COL18A1: variants seen among roughly 807,000 people sequenced by gnomAD.
COL18A1 encodes the protein collagen alpha-1(XVIII) chain.
COL18A1 carries 133 observed loss-of-function variants against 168.0 expected under a neutral mutation model. The ratio of observed to expected loss-of-function variants is 0.79; its 90% CI spans 0.69 to 0.91. The LOEUF (loss-of-function observed/expected upper bound fraction) is 0.91, where lower values mean the gene tolerates loss of function less well. COL18A1 is among the 40% of genes least tolerant of loss of function. COL18A1 has a pLI of 0.00. For missense variants in COL18A1, 2,126 were observed against 1,925.4 expected, an observed-to-expected ratio of 1.10 and a Z score of -1.95; for synonymous variants, 949 against 809.0, an observed-to-expected ratio of 1.17 and a Z score of -2.94.
At chr21:45,407,586 G>A (rs1226461060) in intron 2 of COL18A1, 1 of 152,244 alleles carries the variant, frequency 6.6e-6, no homozygotes, top group Non-Finnish European at 1.5e-5. Flanking sequence ...CCCCCAAGAG[G>A]TGCTTGTAGT....
rs1037125446 is a variant in COL18A1, at chr21:45,473,749, C to A, written c.652-146C>A. 1.4e-6 allele frequency: 1 copy of A among 722,344 alleles called. No homozygotes were observed. The highest frequency in any genetic ancestry group is 1.5e-5 in the South Asian group (1 of 65,974). 44.7% of individuals were successfully genotyped at this position (722,344 alleles called of 1,614,324 possible). ...TCTTCCTACCATGAGGCATACCGCA[C>A]CCCCAGGGAGGCTGCCCGAGACCCC... On this transcript the variant is annotated intron_variant, in intron 3 of 41. Transcript: ENST00000651438. The surrounding 1 kb of genome is among the most constrained non-coding windows in gnomAD (Gnocchi z 4.0).
At chr21:45,479,347 CTACACACACGTGTG>C (rs1418567956) in intron 9 of COL18A1, among the ~76,000 whole-genome samples, 3 of 144,974 alleles carry the variant, frequency 2.1e-5, no homozygotes, top group Non-Finnish European at 4.6e-5. Flanking sequence ...CATACACACA[CTACACACACGTGTG>C]TGCACACACA....
At chr21:45,497,860 AG>A in intron 32 of COL18A1, 199 bp downstream of exon 32, 1 of 689,648 alleles carries the variant, frequency 1.5e-6, no homozygotes, top group Non-Finnish European at 2.4e-6. Flanking sequence ...GGGTGGCTGC[AG>A]GGCACAAGCC....
chr21:45,412,178 ATTG>A (rs1376510821), intron 2 of COL18A1, among the ~76,000 whole-genome samples: 1 of 141,484 alleles, frequency 7.1e-6, no homozygotes, highest in Non-Finnish European at 1.5e-5. Context: ...GCGTACTTTT[ATTG>A]TTTATGGTCA....
intron 2 of COL18A1, among the ~76,000 whole-genome samples, chr21:45,435,992 G>A (rs2034085028): frequency 6.6e-6 from 1 of 152,180 alleles, no homozygotes; most frequent in Admixed American, 6.5e-5. Context: ...GGCCCAGGCA[G>A]GGTGGCCAAT....
chr21:45,484,116 GCACACA>G (rs1310962290), intron 15 of COL18A1, among the ~76,000 whole-genome samples: 2 of 42,664 alleles, frequency 4.7e-5, no homozygotes. Flanking sequence ...ATGTGCACAC[GCACACA>G]CACCTCTCCA....
rs753506897 is a variant in COL18A1 at position 45,473,873 on chromosome 21, C to T, written c.652-22C>T. On this transcript the variant is annotated intron_variant, in intron 3 of 41. Coordinates refer to ENST00000651438, the MANE Select transcript of COL18A1 (RefSeq NM_001379500.1). The surrounding 1 kb of genome is among the most constrained non-coding windows in gnomAD (Gnocchi z 4.0). Reference sequence around the variant, plus strand: ...CTGCCACCTCAGGACCGCTGGTGACCCCTTTCTCTGTCTGCATTTAGGGGG... The same window carrying T: ...CTGCCACCTCAGGACCGCTGGTGACTCCTTTCTCTGTCTGCATTTAGGGGG... The T allele has an allele frequency of 8.9e-6, 14 of 1,578,498 alleles. No homozygotes were observed. Among genetic ancestry groups the T allele is most frequent in the Non-Finnish European group, 1.1e-5 (13 of 1,161,948 alleles).
At chr21:45,453,255 C>T (rs1276293906) in intron 2 of COL18A1, among the ~76,000 whole-genome samples, 2 of 152,158 alleles carry the variant, frequency 1.3e-5, no homozygotes, top group Non-Finnish European at 2.9e-5. Context: ...TATGAGCATT[C>T]ATGTCTGGCA....
rs2037065314 is a variant in COL18A1, at chr21:45,504,514, CCCCCCA to C, written c.2827_2832del (p.Pro943_Pro944del). 3.8e-3 allele frequency: 68 copies of C among 18,102 alleles called. No individual in the cohort carries two copies. The highest frequency in any genetic ancestry group is 0.036 in the Admixed American group (2 of 56). 1.1% of individuals were successfully genotyped at this position (18,102 alleles called of 1,614,324 possible). A position where few individuals can be genotyped will look rare whatever the true frequency, so the allele number is the denominator to read the frequency against. ...GCTCCAGCCTGCCCGGCCCCCCCGG[CCCCCCA>C]GGCCCCCCAGGCCCACGTGGCTACC... is the stretch of plus-strand genomic sequence containing the variant. On this transcript the variant is annotated inframe_deletion, in exon 34 of 42. Coordinates refer to ENST00000651438, the MANE Select transcript of COL18A1 (RefSeq NM_001379500.1).
intron 2 of COL18A1, among the ~76,000 whole-genome samples, chr21:45,437,581 T>TAC (rs138345651): frequency 1.9e-3 from 13 of 6,752 alleles, no homozygotes; most frequent in African/African-American, 7.8e-3. Flanking sequence ...CACTCTCCTG[T>TAC]ACACACACAC....
chr21:45,482,541 G>T (rs763436925), intron 14 of COL18A1, among the ~76,000 whole-genome samples: 2 of 152,140 alleles, frequency 1.3e-5, no homozygotes, highest in African/African-American at 4.8e-5. Context: ...GAGGCATCCA[G>T]GCCCCAGGCC....
chr21:45,467,148 T>C (rs1302261179), intron 2 of COL18A1: 1 of 794,268 alleles, frequency 1.3e-6, no homozygotes, highest in African/African-American at 1.9e-5. Flanking sequence ...GCAGGTGTGC[T>C]GGGAAGTCAC....
intron 2 of COL18A1, chr21:45,455,735 G>A: frequency 6.2e-7 from 1 of 1,613,806 alleles, no homozygotes. Flanking sequence ...CCCCCGGAAT[G>A]GTTCCACAGA....
rs759712383 is a variant in COL18A1 at position 45,494,591 on chromosome 21, T to A, written c.2379+20T>A. ...CCCCCGGTAAGTCGGTCCCTGGCTT[T>A]CTCTGCACTGAGCTCGGGCATGACG... On this transcript the variant is annotated intron_variant, in intron 27 of 41. Coordinates refer to ENST00000651438, the MANE Select transcript of COL18A1 (RefSeq NM_001379500.1). 1.9e-6 allele frequency: 3 copies of A among 1,612,908 alleles called. No homozygotes were observed. Among genetic ancestry groups the A allele is most frequent in the Non-Finnish European group, 1.7e-6 (2 of 1,179,974 alleles).
At chr21:45,494,248 T>TACC in intron 26 of COL18A1, 2 of 472,546 alleles carry the variant, frequency 4.2e-6, no homozygotes, top group Non-Finnish European at 7.7e-6. Context: ...GCACATGCCC[T>TACC]CCACCCTCCA....
At chr21:45,412,768 G>A (rs1164614980) in intron 2 of COL18A1, among the ~76,000 whole-genome samples, 4 of 152,222 alleles carry the variant, frequency 2.6e-5, no homozygotes, top group Non-Finnish European at 5.9e-5. Flanking sequence ...GGGAGGCCAC[G>A]TGGCACCTGT....
intron 27 of COL18A1, 107 bp from the exon 28 acceptor site, chr21:45,494,755 C>T: frequency 7.8e-7 from 1 of 1,280,656 alleles, no homozygotes; most frequent in South Asian, 1.2e-5. Flanking sequence ...TGATGGGTGG[C>T]CCAGGGTGCT....
chr21:45,496,832 C>A (rs2036560288), intron 30 of COL18A1, among the ~76,000 whole-genome samples: 1 of 152,224 alleles, frequency 6.6e-6, no homozygotes, highest in African/African-American at 2.4e-5. Flanking sequence ...CCCCCATTTT[C>A]CCAGGCTCAG....
chr21:45,413,260 G>T (rs962508815), intron 2 of COL18A1, among the ~76,000 whole-genome samples: 4 of 152,250 alleles, frequency 2.6e-5, no homozygotes, highest in Non-Finnish European at 5.9e-5. Context: ...GCCCCGCGCT[G>T]TGCCTGCTGA....
Sources: gnomAD v4.1 joint callset for allele counts (sites outside exome capture counted in the v4.1 genomes callset) on GRCh38, gnomAD v4.1.1 for gene constraint, Gnocchi (gnomAD v3.1) non-coding constraint, MANE v1.5 for transcripts, NCBI Gene and HGNC (gene_info 2026-07-23, HGNC 2026-07-21) for gene names.